NYAP2: variants seen among roughly 807,000 people sequenced by gnomAD.
NYAP2 encodes the protein neuronal tyrosine-phosphorylated phosphoinositide-3-kinase adapter 2.
In NYAP2, 23 loss-of-function variants were observed where a neutral mutation model predicts 50.4. The observed-to-expected ratio is 0.46, with a 90% CI of 0.33 to 0.65. NYAP2 has a LOEUF of 0.65. Ranked by LOEUF, NYAP2 falls within the 30% of genes least tolerant of loss-of-function variation. The pLI, the probability that NYAP2 is intolerant of heterozygous loss-of-function variation, is 0.02. For synonymous variants in NYAP2, 394 were observed against 365.2 expected (o/e 1.08, Z -0.90); for missense variants, 885 against 861.0 (o/e 1.03, Z -0.35).
intron 3 of NYAP2, among the ~76,000 whole-genome samples, chr2:225,443,684 A>G (rs1382971093): frequency 6.6e-6 from 1 of 152,244 alleles, no homozygotes; most frequent in Non-Finnish European, 1.5e-5. Flanking sequence ...CTACCTGTAA[A>G]CTACATCTGT....
At chr2:225,456,458 G>A (rs1274286914) in intron 3 of NYAP2, among the ~76,000 whole-genome samples, 1 of 152,138 alleles carries the variant, frequency 6.6e-6, no homozygotes, top group Non-Finnish European at 1.5e-5. Flanking sequence ...AAGGAAGAAA[G>A]AAACACAAAA....
chr2:225,615,350 A>G (rs1283775399), intron 5 of NYAP2, among the ~76,000 whole-genome samples: 3 of 152,208 alleles, frequency 2.0e-5, no homozygotes, highest in African/African-American at 7.2e-5. Flanking sequence ...AAATGTGCCA[A>G]TACCTGAGAT....
At chr2:225,538,757 C>A (rs753268580) in intron 4 of NYAP2, among the ~76,000 whole-genome samples, 4 of 104,204 alleles carry the variant, frequency 3.8e-5, no homozygotes, top group South Asian at 3.2e-4. Context: ...ATGAGATTTT[C>A]TTTTCTTTTC....
intron 4 of NYAP2, among the ~76,000 whole-genome samples, chr2:225,531,442 A>G (rs755689052): frequency 1.3e-5 from 2 of 152,228 alleles, no homozygotes; most frequent in Non-Finnish European, 2.9e-5. Flanking sequence ...ATCTGCTAAT[A>G]TATTTTATTG....
At chr2:225,536,054 G>T (rs1293038264) in intron 4 of NYAP2, among the ~76,000 whole-genome samples, 1 of 152,160 alleles carries the variant, frequency 6.6e-6, no homozygotes, top group Non-Finnish European at 1.5e-5. Flanking sequence ...GAGATCTATA[G>T]ATGCTTAAAT....
chr2:225,475,522 T>A (rs1690088387), intron 3 of NYAP2, among the ~76,000 whole-genome samples: 1 of 152,170 alleles, frequency 6.6e-6, no homozygotes, highest in Non-Finnish European at 1.5e-5. Flanking sequence ...TATATTTGAG[T>A]CTGAAAGGCA....
intron 2 of NYAP2, among the ~76,000 whole-genome samples, chr2:225,405,012 A>G (rs1335776577): frequency 6.6e-6 from 1 of 152,066 alleles, no homozygotes; most frequent in Non-Finnish European, 1.5e-5. Flanking sequence ...TTGTATCAAC[A>G]TTGTGCATTG....
intron 4 of NYAP2, among the ~76,000 whole-genome samples, chr2:225,538,798 CTTT>C (rs1559208660): frequency 1.8e-5 from 1 of 56,226 alleles, no homozygotes; most frequent in Non-Finnish European, 4.1e-5. Flanking sequence ...TTCTTTCTTT[CTTT>C]CTTTCTTTCT....
intron 4 of NYAP2, among the ~76,000 whole-genome samples, chr2:225,517,503 A>G (rs1378794446): frequency 1.3e-5 from 2 of 152,208 alleles, no homozygotes; most frequent in Admixed American, 6.5e-5. Flanking sequence ...CAACAGGCAA[A>G]CATTGACTTT....
rs376759382 is a variant in NYAP2, at chr2:225,447,325, T to TTTTG, written c.221+38236_221+38239dup. On this transcript the variant is annotated intron_variant, in intron 3 of 6. Transcript: ENST00000636099. Reference sequence around the variant, plus strand: ...CAGGTTTTGTTAAATACATAGAGGTTTTTGTTTGTTTGTTTCTACTGTAAT... The same window carrying TTTTG: ...CAGGTTTTGTTAAATACATAGAGGTTTTTGTTTGTTTGTTTGTTTCTACTGTAAT... 7.0e-3 allele frequency among the ~76,000 whole-genome samples: 1,059 copies of TTTTG among 152,290 alleles called. 9 individuals are homozygous for TTTTG. Among genetic ancestry groups the TTTTG allele is most frequent in the African/African-American group, 0.024 (989 of 41,554 alleles).
downstream of NYAP2, among the ~76,000 whole-genome samples, chr2:225,657,006 T>A (rs1237095042): frequency 6.7e-6 from 1 of 150,172 alleles, no homozygotes; most frequent in Non-Finnish European, 1.5e-5. Flanking sequence ...CATTTGCACA[T>A]AAAACATGCC....
intron 4 of NYAP2, among the ~76,000 whole-genome samples, chr2:225,530,747 C>T (rs1287529329): frequency 6.6e-6 from 1 of 152,212 alleles, no homozygotes; most frequent in African/African-American, 2.4e-5. Flanking sequence ...AGCCTTCAAA[C>T]TTGTCATATC....
chr2:225,406,088 A>T (rs2106117226), intron 2 of NYAP2, among the ~76,000 whole-genome samples: 1 of 151,886 alleles, frequency 6.6e-6, no homozygotes, highest in South Asian at 2.1e-4. Context: ...TACTCACAAC[A>T]AGGGTCTATT....
chr2:225,620,445 A>G (rs1261965108), intron 5 of NYAP2, among the ~76,000 whole-genome samples: 1 of 114,588 alleles, frequency 8.7e-6, no homozygotes, highest in Non-Finnish European at 1.9e-5. Flanking sequence ...ACACGCACGC[A>G]CACGCACGCA....
intron 3 of NYAP2, among the ~76,000 whole-genome samples, chr2:225,448,271 T>C (rs922778277): frequency 2.4e-4 from 36 of 152,154 alleles, no homozygotes; most frequent in African/African-American, 8.4e-4. Context: ...TCAGTGATAG[T>C]CATCAATAAC....
chr2:225,544,688 C>G (rs138642743), intron 4 of NYAP2, among the ~76,000 whole-genome samples: 263 of 152,156 alleles, frequency 1.7e-3, no homozygotes, highest in African/African-American at 6.1e-3. Flanking sequence ...ATTATTTAGC[C>G]TTTCTACTTA....
intron 5 of NYAP2, among the ~76,000 whole-genome samples, chr2:225,622,889 C>T (rs1480865747): frequency 6.6e-6 from 1 of 152,074 alleles, no homozygotes; most frequent in African/African-American, 2.4e-5. Context: ...CCAGCCACAA[C>T]CAGTTTTATT....
the NYAP2 span, among the ~76,000 whole-genome samples, chr2:225,675,191 A>C: frequency 6.6e-6 from 1 of 152,068 alleles, no homozygotes; most frequent in Non-Finnish European, 1.5e-5. Flanking sequence ...GGTTTGTTAC[A>C]TGGGTAAATT....
chr2:225,606,692 T>G (rs1410547957), intron 5 of NYAP2, among the ~76,000 whole-genome samples: 1 of 152,174 alleles, frequency 6.6e-6, no homozygotes, highest in African/African-American at 2.4e-5. Context: ...AAAGTTAATT[T>G]GAATTCCTTG....
Sources: allele counts gnomAD v4.1 joint callset (sites outside exome capture counted in the v4.1 genomes callset), GRCh38; gene constraint gnomAD v4.1.1; transcripts MANE v1.5; gene names NCBI Gene and HGNC (gene_info 2026-07-23, HGNC 2026-07-21).